The following NFASC variants were observed in gnomAD, a reference collection of about 807,000 sequenced individuals.
The protein encoded by NFASC is neurofascin homolog.
NFASC carries 43 observed loss-of-function variants against 147.5 expected under a neutral mutation model. That is an observed-to-expected ratio of 0.29 (90% CI 0.23 to 0.38). The LOEUF is 0.38. Ranked by LOEUF, NFASC falls within the 10% of genes least tolerant of loss-of-function variation. The pLI, the probability that NFASC is intolerant of heterozygous loss-of-function variation, is 1.00. For missense variants in NFASC, 1,320 were observed against 1,689.0 expected, an observed-to-expected ratio of 0.78 and a Z score of 3.83; for synonymous variants, 622 against 665.5, an observed-to-expected ratio of 0.93 and a Z score of 1.01.
chr1:204,920,821 T>A, intron 2 of NFASC, 81 bp downstream of exon 2: 5 of 600,914 alleles, frequency 8.3e-6, no homozygotes, highest in Non-Finnish European at 1.1e-5. Context: ...CCCCTTCTCT[T>A]TGATAAGGGA....
Position 205,015,125 on chromosome 1 carries a change from T to C in NFASC, c.3492-1183T>C, listed in dbSNP as rs948277922. Among the ~76,000 whole-genome samples the C allele has an allele frequency of 6.6e-6, 1 of 152,140 alleles. No homozygotes were observed. Among genetic ancestry groups the C allele is most frequent in the Admixed American group, 6.5e-5 (1 of 15,290 alleles). Reference sequence around the variant, plus strand: ...CCTGACAGCTGTCTTTGCCCGACACTGCTATTAGAAGTGAGAACGCACTGC... The same window carrying C: ...CCTGACAGCTGTCTTTGCCCGACACCGCTATTAGAAGTGAGAACGCACTGC... On this transcript the variant is annotated intron_variant, in intron 29 of 29. Coordinates refer to ENST00000339876, the MANE Select transcript of NFASC (RefSeq NM_001005388.3). The surrounding 1 kb of genome is among the most constrained non-coding windows in gnomAD (Gnocchi z 4.0).
chr1:204,908,467 A>G (rs932102418), intron 1 of NFASC, among the ~76,000 whole-genome samples: 1 of 152,226 alleles, frequency 6.6e-6, no homozygotes, highest in Non-Finnish European at 1.5e-5. Context: ...AATTATTTAC[A>G]TAGAATACAA....
chr1:204,880,245 A>G (rs2079896369), intron 1 of NFASC, among the ~76,000 whole-genome samples: 2 of 152,256 alleles, frequency 1.3e-5, no homozygotes, highest in Non-Finnish European at 2.9e-5. Flanking sequence ...GAGTTGAAAC[A>G]CTGAAGTGAG....
At chr1:204,980,613 G>C (rs999867838) in intron 20 of NFASC, among the ~76,000 whole-genome samples, 173 bp downstream of exon 20, 5 of 152,182 alleles carry the variant, frequency 3.3e-5, no homozygotes, top group African/African-American at 1.2e-4. Context: ...TGGGCATCCA[G>C]AAACCAAACA....
intron 1 of NFASC, among the ~76,000 whole-genome samples, chr1:204,891,727 G>A (rs1364929421): frequency 6.6e-6 from 1 of 152,172 alleles, no homozygotes; most frequent in Non-Finnish European, 1.5e-5. Flanking sequence ...GCACAGAGTG[G>A]GGCTGGAGTA....
intron 1 of NFASC, among the ~76,000 whole-genome samples, chr1:204,860,041 T>C (rs1444329347): frequency 1.3e-5 from 2 of 152,086 alleles, no homozygotes; most frequent in Admixed American, 1.3e-4. Context: ...CAGAAGAGTG[T>C]GGCGTGGGCT....
At chr1:204,894,149 C>T (rs1266462544) in intron 1 of NFASC, among the ~76,000 whole-genome samples, 1 of 152,238 alleles carries the variant, frequency 6.6e-6, no homozygotes, top group African/African-American at 2.4e-5. Context: ...AATAAGATAT[C>T]AGGCCTCTGC....
intron 1 of NFASC, among the ~76,000 whole-genome samples, chr1:204,834,143 C>T (rs1673019982): frequency 6.6e-6 from 1 of 152,090 alleles, no homozygotes; most frequent in Admixed American, 6.5e-5. Flanking sequence ...AGTGACCTGC[C>T]TCATCCTGCC....
At chr1:204,885,888 A>G (rs1272466299) in intron 1 of NFASC, among the ~76,000 whole-genome samples, 1 of 152,140 alleles carries the variant, frequency 6.6e-6, no homozygotes, top group African/African-American at 2.4e-5. Context: ...TCCAGCTCTC[A>G]GGTCTGAGCT....
chr1:204,899,024 G>A (rs879231855), intron 1 of NFASC, among the ~76,000 whole-genome samples: 8 of 152,194 alleles, frequency 5.3e-5, no homozygotes, highest in Admixed American at 5.2e-4. Flanking sequence ...TGATGGGGGA[G>A]GCACAGCTCC....
At chr1:204,966,492 A>G (rs2094957727) in intron 8 of NFASC, among the ~76,000 whole-genome samples, 1 of 152,080 alleles carries the variant, frequency 6.6e-6, no homozygotes, top group Admixed American at 6.6e-5. Flanking sequence ...CATAGTGCCC[A>G]TGTGTCTTGG....
chr1:204,883,754 G>T (rs941641555), intron 1 of NFASC, among the ~76,000 whole-genome samples: 1 of 152,212 alleles, frequency 6.6e-6, no homozygotes, highest in Non-Finnish European at 1.5e-5. Flanking sequence ...CAGCAGCATG[G>T]GATTGGCAGG....
chr1:204,870,692 G>A (rs1284573158), intron 1 of NFASC: 1 of 1,081,196 alleles, frequency 9.2e-7, no homozygotes, highest in Non-Finnish European at 1.1e-6. Context: ...CAAGCCGGCC[G>A]AGGGAGGGGT....
At chr1:204,883,687 G>A (rs980491854) in intron 1 of NFASC, among the ~76,000 whole-genome samples, 1 of 152,202 alleles carries the variant, frequency 6.6e-6, no homozygotes, top group Non-Finnish European at 1.5e-5. Flanking sequence ...CAGGGAGTGG[G>A]CCAGCATAAG....
chr1:204,973,150 T>A (rs2095307732), intron 11 of NFASC, 126 bp from the exon 12 acceptor site: 1 of 954,772 alleles, frequency 1.0e-6, no homozygotes, highest in Non-Finnish European at 1.6e-6. Flanking sequence ...AGCCCTGTCA[T>A]CTGGCCCCCC....
intron 11 of NFASC, among the ~76,000 whole-genome samples, chr1:204,973,011 C>T (rs1339162140): frequency 6.6e-6 from 1 of 152,226 alleles, no homozygotes; most frequent in Non-Finnish European, 1.5e-5. Flanking sequence ...CTCTCAACCA[C>T]AACTGCCCAA....
chr1:204,835,213 C>CTTTTTTT (rs1001302661), intron 1 of NFASC, among the ~76,000 whole-genome samples: 8 of 80,588 alleles, frequency 9.9e-5, no homozygotes, highest in Non-Finnish European at 1.1e-4. Context: ...TGAGGTGGGT[C>CTTTTTTT]TTTTTTTTTT....
chr1:204,977,458 T>C (rs2095430192), intron 16 of NFASC, among the ~76,000 whole-genome samples: 1 of 152,068 alleles, frequency 6.6e-6, no homozygotes, highest in South Asian at 2.1e-4. Context: ...GATAGTCACA[T>C]TGGGATGGTA....
intron 1 of NFASC, among the ~76,000 whole-genome samples, chr1:204,868,392 C>T (rs1027596572): frequency 6.6e-6 from 1 of 152,144 alleles, no homozygotes; most frequent in East Asian, 1.9e-4. Context: ...GGCTGCCCTG[C>T]CTAGGATGCC....
Sources: gnomAD v4.1 joint callset for allele counts (sites outside exome capture counted in the v4.1 genomes callset) on GRCh38, gnomAD v4.1.1 for gene constraint, Gnocchi (gnomAD v3.1) non-coding constraint, MANE v1.5 for transcripts, NCBI Gene and HGNC (gene_info 2026-07-23, HGNC 2026-07-21) for gene names.